The following NKAIN2 variants were observed in gnomAD, a reference collection of about 807,000 sequenced individuals.
The protein encoded by NKAIN2 is sodium/potassium-transporting ATPase subunit beta-1-interacting protein 2.
In NKAIN2, 14 loss-of-function variants were observed where a neutral mutation model predicts 32.6. That is an observed-to-expected ratio of 0.43 (90% CI 0.28 to 0.67). NKAIN2 has a LOEUF of 0.67. Among genes scored for constraint, NKAIN2 ranks in the 30% least tolerant of loss-of-function variants. The pLI is 0.17. For missense variants in NKAIN2, 198 were observed against 258.3 expected, an observed-to-expected ratio of 0.77 and a Z score of 1.60; for synonymous variants, 80 against 87.2, an observed-to-expected ratio of 0.92 and a Z score of 0.46.
At chr6:124,066,260 A>G (rs973391554) in intron 1 of NKAIN2, among the ~76,000 whole-genome samples, 3 of 152,116 alleles carry the variant, frequency 2.0e-5, no homozygotes, top group African/African-American at 7.2e-5. Flanking sequence ...CTTTTTCCAA[A>G]TTATAGATAT....
intron 3 of NKAIN2, among the ~76,000 whole-genome samples, chr6:124,559,606 T>C (rs1278902038): frequency 6.6e-6 from 1 of 152,162 alleles, no homozygotes; most frequent in Admixed American, 6.6e-5. Flanking sequence ...GGCAATGTGA[T>C]TCTCTTTGGC....
At chr6:123,813,577 C>T (rs1375644323) in intron 1 of NKAIN2, among the ~76,000 whole-genome samples, 2 of 152,008 alleles carry the variant, frequency 1.3e-5, no homozygotes, top group Admixed American at 6.6e-5. Context: ...TTTGGGAGGC[C>T]GAGGCCGGTA....
intron 1 of NKAIN2, among the ~76,000 whole-genome samples, chr6:123,955,602 T>A (rs1777539289): frequency 6.8e-6 from 1 of 146,374 alleles, no homozygotes; most frequent in Admixed American, 6.9e-5. Flanking sequence ...TTTATTTTAT[T>A]TTATTTTATT....
At chr6:124,327,715 A>G (rs925822717) in intron 2 of NKAIN2, among the ~76,000 whole-genome samples, 1 of 152,166 alleles carries the variant, frequency 6.6e-6, no homozygotes, top group African/African-American at 2.4e-5. Flanking sequence ...TTAAATGTCA[A>G]TAAAATTATT....
At chr6:124,159,138 T>C (rs77929403) in intron 1 of NKAIN2, among the ~76,000 whole-genome samples, 1 of 152,222 alleles carries the variant, frequency 6.6e-6, no homozygotes, top group African/African-American at 2.4e-5. Context: ...TTTCCATATT[T>C]GTTTCTCCAT....
intron 1 of NKAIN2, among the ~76,000 whole-genome samples, chr6:124,136,231 G>C (rs1484912379): frequency 2.6e-5 from 4 of 151,958 alleles, no homozygotes; most frequent in Admixed American, 6.6e-5. Flanking sequence ...ATCATTCAAG[G>C]CTACTATGAA....
chr6:124,304,743 A>T (rs1467277485), intron 2 of NKAIN2, among the ~76,000 whole-genome samples: 1 of 152,016 alleles, frequency 6.6e-6, no homozygotes, highest in Admixed American at 6.6e-5. Context: ...GTGAAACCCC[A>T]TCTCTACTAA....
At chr6:123,968,957 G>A (rs1387419944) in intron 1 of NKAIN2, among the ~76,000 whole-genome samples, 1 of 152,132 alleles carries the variant, frequency 6.6e-6, no homozygotes, top group Non-Finnish European at 1.5e-5. Context: ...TGAGCTCTGT[G>A]AGGAGAGCTC....
At chr6:124,357,046 A>G (rs1033177889) in intron 3 of NKAIN2, among the ~76,000 whole-genome samples, 5 of 152,186 alleles carry the variant, frequency 3.3e-5, no homozygotes, top group African/African-American at 9.6e-5. Flanking sequence ...TGGTGATTTC[A>G]TGACCTCAGA....
chr6:124,201,247 G>C (rs1350883258), intron 1 of NKAIN2, among the ~76,000 whole-genome samples: 1 of 151,898 alleles, frequency 6.6e-6, no homozygotes, highest in Non-Finnish European at 1.5e-5. Context: ...GTGGGGGGGC[G>C]ATGGTGATTA....
At chr6:123,853,362 G>T (rs1006739753) in intron 1 of NKAIN2, among the ~76,000 whole-genome samples, 2 of 152,110 alleles carry the variant, frequency 1.3e-5, no homozygotes, top group Non-Finnish European at 2.9e-5. Flanking sequence ...AAATTGAATG[G>T]TCTCTTTGGC....
intron 3 of NKAIN2, among the ~76,000 whole-genome samples, chr6:124,486,514 T>C (rs186215362): frequency 6.6e-6 from 1 of 152,334 alleles, no homozygotes; most frequent in Admixed American, 6.5e-5. Context: ...CTCTACTGTT[T>C]TATTCTAAAA....
chr6:124,057,750 C>G (rs1782728038), intron 1 of NKAIN2, among the ~76,000 whole-genome samples: 1 of 151,762 alleles, frequency 6.6e-6, no homozygotes, highest in African/African-American at 2.4e-5. Context: ...CTCAAAGTCC[C>G]CAATTTAAAA....
chr6:124,653,738 T>C (rs1038352418), intron 3 of NKAIN2, among the ~76,000 whole-genome samples: 1 of 152,092 alleles, frequency 6.6e-6, no homozygotes, highest in Non-Finnish European at 1.5e-5. Flanking sequence ...TGGTAGAAAA[T>C]ATTGCAAAAG....
intron 1 of NKAIN2, among the ~76,000 whole-genome samples, chr6:124,220,630 G>C (rs1417473974): frequency 6.6e-6 from 1 of 151,362 alleles, no homozygotes; most frequent in Non-Finnish European, 1.5e-5. Context: ...CTAAGAATAT[G>C]AGAAAATTTA....
intron 1 of NKAIN2, among the ~76,000 whole-genome samples, chr6:123,994,294 T>C (rs2114695982): frequency 6.6e-6 from 1 of 152,138 alleles, no homozygotes; most frequent in East Asian, 1.9e-4. Flanking sequence ...GGCTGTTTTG[T>C]TTTTGTTTGT....
intron 1 of NKAIN2, among the ~76,000 whole-genome samples, chr6:123,810,842 A>AATATGTT: frequency 6.6e-6 from 1 of 152,138 alleles, no homozygotes; most frequent in East Asian, 1.9e-4. Flanking sequence ...AAATAGAGTA[A>AATATGTT]ATATGTTATT....
chr6:124,620,428 A>G (rs1783064192), intron 3 of NKAIN2, among the ~76,000 whole-genome samples: 1 of 152,242 alleles, frequency 6.6e-6, no homozygotes, highest in South Asian at 2.1e-4. Flanking sequence ...CGATGAACAC[A>G]GCTATTCAAT....
At chr6:124,093,900 A>G (rs1288188770) in intron 1 of NKAIN2, among the ~76,000 whole-genome samples, 4 of 152,140 alleles carry the variant, frequency 2.6e-5, no homozygotes, top group Non-Finnish European at 5.9e-5. Flanking sequence ...CATTTTCTTC[A>G]GATTTTTCTT....
Sources: allele counts gnomAD v4.1 joint callset (sites outside exome capture counted in the v4.1 genomes callset), GRCh38; gene constraint gnomAD v4.1.1; transcripts MANE v1.5; gene names NCBI Gene and HGNC (gene_info 2026-07-23, HGNC 2026-07-21).